SPECC1: variants seen among roughly 807,000 people sequenced by gnomAD.
The protein encoded by SPECC1 is sperm antigen with calponin homology and coiled-coil domains 1, also known as cytospin-B.
SPECC1 carries 62 observed loss-of-function variants against 104.1 expected under a neutral mutation model. The ratio of observed to expected loss-of-function variants is 0.60; its 90% CI spans 0.49 to 0.74. The LOEUF is 0.74. Among genes scored for constraint, SPECC1 ranks in the 30% least tolerant of loss-of-function variants. The pLI, the probability that SPECC1 is intolerant of heterozygous loss-of-function variation, is 0.00. For synonymous variants in SPECC1, 513 were observed against 501.6 expected (o/e 1.02, Z -0.30); for missense variants, 1,306 against 1,310.5 (o/e 1.00, Z 0.05).
At chr17:20,102,756 A>G (rs566179533) in intron 2 of SPECC1, among the ~76,000 whole-genome samples, 46 of 151,914 alleles carry the variant, frequency 3.0e-4, no homozygotes, top group African/African-American at 9.7e-4. Context: ...CATTGCGTTC[A>G]TTTTTCCTAA....
chr17:20,304,117 C>CAAAAAAAAA (rs774130653), intron 13 of SPECC1, among the ~76,000 whole-genome samples: 7 of 39,338 alleles, frequency 1.8e-4, no homozygotes, highest in Non-Finnish European at 2.9e-4. Flanking sequence ...ACTAAAAATA[C>CAAAAAAAAA]AAAAAAAAAA....
Position 20,116,803 on chromosome 17 carries a change from CTTTTTTTTTTT to C in SPECC1, c.283+6261_283+6271del, listed in dbSNP as rs58127201. Among the ~76,000 whole-genome samples, 110 of 50,424 alleles carry C rather than the reference CTTTTTTTTTTT, an allele frequency of 2.2e-3. 3 individuals carry two copies. Among genetic ancestry groups the C allele is most frequent in the Admixed American group, 7.4e-3 (25 of 3,368 alleles). The allele number at this position is 50,424 out of a possible 152,430, so 33.1% of individuals were successfully genotyped here. On this transcript the variant is annotated intron_variant, in intron 3 of 14. Transcript: ENST00000395527. The stretch of plus-strand genomic sequence containing the variant: ...GGGAACAATTGGCAGTGTCTGGAGA[CTTTTTTTTTTT>C]TTTTTTTTTTTTTTTTTTTGGCTGT...
intron 1 of SPECC1, among the ~76,000 whole-genome samples, chr17:20,047,333 C>T (rs924699383): frequency 3.3e-5 from 5 of 152,208 alleles, no homozygotes; most frequent in Non-Finnish European, 7.3e-5. Context: ...GAGAAGACTG[C>T]AGATGGTCTG....
rs139727138 is a variant in SPECC1, at chr17:20,199,561, C to T, written c.284-4772C>T. ...GACCACAGGTGCATGCCCCCATTCC[C>T]AGGCTAATGTTTAAATATTTTTGTG... is the stretch of plus-strand genomic sequence containing the variant. On this transcript the variant is annotated intron_variant, in intron 3 of 14. Transcript: ENST00000395527. Among the ~76,000 whole-genome samples the T allele has an allele frequency of 1.3e-3, 195 of 151,760 alleles. 2 individuals carry two copies. Among genetic ancestry groups the T allele is most frequent in the Middle Eastern group, 6.8e-3 (2 of 294 alleles).
intron 3 of SPECC1, among the ~76,000 whole-genome samples, chr17:20,142,008 T>A (rs527884830): frequency 7.2e-5 from 11 of 152,320 alleles, no homozygotes; most frequent in Non-Finnish European, 1.5e-4. Flanking sequence ...TTTCAGAATA[T>A]GGAAAACTTG....
At chr17:20,245,100 A>C (rs1033949733) in intron 7 of SPECC1, among the ~76,000 whole-genome samples, 1 of 152,228 alleles carries the variant, frequency 6.6e-6, no homozygotes, top group Non-Finnish European at 1.5e-5. Flanking sequence ...CTTAGAAGTC[A>C]GAGTGTCTGA....
chr17:20,303,312 A>C (rs745675893), intron 13 of SPECC1, among the ~76,000 whole-genome samples: 1 of 152,248 alleles, frequency 6.6e-6, no homozygotes, highest in Non-Finnish European at 1.5e-5. Context: ...CCCTCTCAGC[A>C]GAACAGAGTA....
chr17:20,156,157 C>T, intron 3 of SPECC1: 1 of 1,435,250 alleles, frequency 7.0e-7, no homozygotes, highest in Non-Finnish European at 9.1e-7. Flanking sequence ...GACACCCGGT[C>T]CGAGGCCGGC....
chr17:20,053,351 C>G (rs2045845280), intron 1 of SPECC1, among the ~76,000 whole-genome samples: 2 of 152,204 alleles, frequency 1.3e-5, no homozygotes, highest in Admixed American at 6.5e-5. Context: ...TTGAATGTCT[C>G]AGGCATTTCA....
At chr17:20,293,677 C>A (rs2041245654) in intron 12 of SPECC1, among the ~76,000 whole-genome samples, 1 of 152,210 alleles carries the variant, frequency 6.6e-6, no homozygotes, top group Non-Finnish European at 1.5e-5. Context: ...CCCATTTCTT[C>A]TTGTCCCAAA....
At chr17:20,161,640 T>C (rs1390132372) in intron 3 of SPECC1, among the ~76,000 whole-genome samples, 1 of 151,988 alleles carries the variant, frequency 6.6e-6, no homozygotes, top group East Asian at 1.9e-4. Context: ...TGGAAAGGAG[T>C]TGGTATGAAT....
intron 1 of SPECC1, among the ~76,000 whole-genome samples, chr17:20,037,775 A>G (rs1004907882): frequency 7.2e-5 from 11 of 152,010 alleles, no homozygotes; most frequent in African/African-American, 1.9e-4. Context: ...ACAAAGTTCT[A>G]TTTTTCTGAA....
At chr17:20,309,321 A>T (rs1172821858) in intron 14 of SPECC1, among the ~76,000 whole-genome samples, 2 of 152,220 alleles carry the variant, frequency 1.3e-5, no homozygotes, top group Non-Finnish European at 2.9e-5. Context: ...TTATGCCAGG[A>T]AAATTGTCTT....
At chr17:20,177,236 T>A (rs1036642070) in intron 3 of SPECC1, among the ~76,000 whole-genome samples, 11 of 152,314 alleles carry the variant, frequency 7.2e-5, no homozygotes, top group Middle Eastern at 3.4e-3. Context: ...CAGGGTATAT[T>A]GAGGAGAGTG....
intron 13 of SPECC1, among the ~76,000 whole-genome samples, chr17:20,303,707 G>C (rs971673497): frequency 7.2e-5 from 11 of 152,046 alleles, no homozygotes; most frequent in Non-Finnish European, 1.3e-4. Context: ...AATCCCAGCA[G>C]TTCGGAAGAC....
chr17:20,102,574 A>G (rs1218774547), intron 2 of SPECC1, among the ~76,000 whole-genome samples: 1 of 152,166 alleles, frequency 6.6e-6, no homozygotes, highest in Non-Finnish European at 1.5e-5. Context: ...ACAAAATGGA[A>G]CACAATAGCT....
In SPECC1 at chr17:20,227,434, C is replaced by G. The variant is rs1057061650; in HGVS notation, c.1885C>G (p.Leu629Val). 2 of 1,611,948 alleles carry G rather than the reference C, an allele frequency of 1.2e-6. No individual in the cohort carries two copies. Among genetic ancestry groups the G allele is most frequent in the African/African-American group, 2.7e-5 (2 of 74,670 alleles). The change falls in exon 5 of 15, where the codon CTG becomes GTG. Residue 629 changes from leucine (L) to valine (V), a missense_variant. By Grantham distance (32) the Leu-to-Val change is conservative. Around this residue, in one of 2 missense-constraint regions of SPECC1, gnomAD observed 1,177 missense variants for 1,139.9 expected, o/e 1.03. Coordinates refer to ENST00000395527, the MANE Select transcript of SPECC1 (RefSeq NM_001243439.2). ...TTAGGTGGAAAAGGATTATTCATACCTGAAGGAGATATGTGATCACCAAGC... is the reference window on the plus strand; with the variant it reads ...TTAGGTGGAAAAGGATTATTCATACGTGAAGGAGATATGTGATCACCAAGC... ...LAKVEKDYSY[L>V]KEICDHQAEQ...
intron 3 of SPECC1, among the ~76,000 whole-genome samples, chr17:20,177,627 C>T (rs1567905998): frequency 2.6e-5 from 4 of 152,216 alleles, no homozygotes; most frequent in Admixed American, 2.6e-4. Flanking sequence ...CTATCCTTAA[C>T]ATCTCCATAA....
intron 12 of SPECC1, among the ~76,000 whole-genome samples, chr17:20,288,875 C>T (rs544297530): frequency 4.0e-5 from 6 of 151,696 alleles, no homozygotes; most frequent in South Asian, 2.1e-4. Flanking sequence ...CCTCCGCCCC[C>T]CCGGGTTCAA....
Sources: gnomAD v4.1 joint callset for allele counts (sites outside exome capture counted in the v4.1 genomes callset) on GRCh38, gnomAD v4.1.1 for gene constraint, gnomAD v4.1.1 regional missense constraint, MANE v1.5 for transcripts, NCBI Gene and HGNC (gene_info 2026-07-23, HGNC 2026-07-21) for gene names.